ASRGL1: variants seen among roughly 807,000 people sequenced by gnomAD.
ASRGL1 encodes the protein isoaspartyl peptidase/L-asparaginase.
A neutral mutation model predicts 22.4 loss-of-function variants in ASRGL1; 16 were observed. That is an observed-to-expected ratio of 0.71 (90% CI 0.48 to 1.08). The LOEUF (loss-of-function observed/expected upper bound fraction) is 1.08, where lower values mean the gene tolerates loss of function less well. ASRGL1 is among the 50% of genes least tolerant of loss of function. ASRGL1 has a pLI of 0.00. For synonymous variants in ASRGL1, 165 were observed against 159.3 expected, an observed-to-expected ratio of 1.04 and a Z score of -0.27; for missense variants, 412 against 410.1, an observed-to-expected ratio of 1.00 and a Z score of -0.04.
intron 2 of ASRGL1, 103 bp downstream of exon 2, chr11:62,338,270 G>GTGAA (rs1262868327): frequency 8.7e-6 from 10 of 1,144,152 alleles, no homozygotes; most frequent in Non-Finnish European, 1.2e-5. Context: ...GAGCTTTGGG[G>GTGAA]TGAAACTAAG....
chr11:62,396,064 C>T (rs1340388916), downstream of ASRGL1, among the ~76,000 whole-genome samples: 1 of 151,964 alleles, frequency 6.6e-6, no homozygotes, highest in Non-Finnish European at 1.5e-5. Flanking sequence ...CCACCGCACC[C>T]GGCCTTTGTA....
chr11:62,351,785 C>A (rs1007985183), intron 2 of ASRGL1, among the ~76,000 whole-genome samples: 7 of 152,108 alleles, frequency 4.6e-5, no homozygotes, highest in Non-Finnish European at 1.0e-4. Flanking sequence ...GATCCTCCCA[C>A]CTCAGCCTCC....
At position 62,392,552 on chromosome 11, in the gene ASRGL1, G is replaced by C; in HGVS notation, c.*268G>C. ...CCACTGCACTCCAGCCTGGGCAACA[G>C]AGCCAGGCCCTGTATCAAAAAAAAA... On this transcript the variant is annotated 3_prime_UTR_variant, in exon 7 of 7. Transcript: ENST00000415229. 2 of 471,318 alleles carry C rather than the reference G, an allele frequency of 4.2e-6. No individual in the cohort carries two copies. The highest frequency in any genetic ancestry group is 3.7e-5 in the East Asian group (1 of 26,874). The allele number at this position is 471,318 out of a possible 1,614,324, so 29.2% of individuals were successfully genotyped here. A position where few individuals can be genotyped will look rare whatever the true frequency, so the allele number is the denominator to read the frequency against.
intron 2 of ASRGL1, among the ~76,000 whole-genome samples, chr11:62,352,405 G>T (rs1052662506): frequency 1.3e-5 from 2 of 152,140 alleles, no homozygotes; most frequent in African/African-American, 4.8e-5. Flanking sequence ...GACCAACATG[G>T]TGAAAACCTG....
intron 2 of ASRGL1, among the ~76,000 whole-genome samples, chr11:62,342,551 G>A (rs1042220851): frequency 7.9e-5 from 12 of 152,168 alleles, no homozygotes; most frequent in South Asian, 2.1e-4. Context: ...GAGACTAGGA[G>A]TTCAAGAGCA....
chr11:62,369,538 T>C (rs1241314719), intron 4 of ASRGL1, among the ~76,000 whole-genome samples: 1 of 152,108 alleles, frequency 6.6e-6, no homozygotes, highest in East Asian at 1.9e-4. Flanking sequence ...TGGGTACACC[T>C]GCAGACTAGC....
At position 62,384,035 on chromosome 11, in the gene ASRGL1, C is replaced by CGTGTGTGTGT. The variant is rs141968496; in HGVS notation, c.492-5089_492-5080dup. Among the ~76,000 whole-genome samples, 29 of 150,286 alleles carry CGTGTGTGTGT rather than the reference C, an allele frequency of 1.9e-4. No homozygotes were observed. The South Asian group carries it at 4.4e-3, about 23-fold the overall frequency. ...GCATGTGTGTGTGTGCACGTGTGTG[C>CGTGTGTGTGT]GTGTGTGTGTGTGTGTGTTTGCCAT... On this transcript the variant is annotated intron_variant, in intron 4 of 6. Transcript: ENST00000415229.
intron 4 of ASRGL1, 145 bp from the exon 5 acceptor site, chr11:62,388,988 G>A (rs1947276531): frequency 1.4e-6 from 1 of 710,846 alleles, no homozygotes; most frequent in Non-Finnish European, 2.4e-6. Context: ...ATGAGAAGCA[G>A]CAGGTTCTTT....
At chr11:62,358,091 G>A (rs906595589) in intron 4 of ASRGL1, among the ~76,000 whole-genome samples, 2 of 152,198 alleles carry the variant, frequency 1.3e-5, no homozygotes, top group South Asian at 2.1e-4. Flanking sequence ...GGCCTTGGCC[G>A]GGTGCGGTGG....
chr11:62,386,941 G>A (rs1947227436), intron 4 of ASRGL1, among the ~76,000 whole-genome samples: 1 of 151,294 alleles, frequency 6.6e-6, no homozygotes, highest in South Asian at 2.1e-4. Context: ...CACCCAGGCT[G>A]GAGTGCAATG....
chr11:62,372,796 T>C, intron 4 of ASRGL1: 1 of 1,583,350 alleles, frequency 6.3e-7, no homozygotes, highest in East Asian at 2.2e-5. Flanking sequence ...ACCTGCTCCT[T>C]TGCCGTCAGT....
chr11:62,340,828 T>C (rs942260059), intron 2 of ASRGL1, among the ~76,000 whole-genome samples: 2 of 152,156 alleles, frequency 1.3e-5, no homozygotes, highest in African/African-American at 4.8e-5. Flanking sequence ...CTAGAATAAA[T>C]AACTGTTTGG....
intron 5 of ASRGL1, 65 bp from the exon 6 acceptor site, chr11:62,391,457 G>A (rs1291507046): frequency 1.0e-5 from 16 of 1,537,144 alleles, no homozygotes; most frequent in Middle Eastern, 1.7e-4. Context: ...TGTAGCGTCC[G>A]ACTTCTAATA....
intron 4 of ASRGL1, among the ~76,000 whole-genome samples, chr11:62,384,974 G>T (rs957467757): frequency 1.4e-5 from 2 of 144,292 alleles, no homozygotes; most frequent in African/African-American, 5.1e-5. Context: ...GAAAAATACC[G>T]ATTTTTCAAG....
chr11:62,390,461 A>C (rs960650505), intron 5 of ASRGL1, among the ~76,000 whole-genome samples: 1 of 152,134 alleles, frequency 6.6e-6, no homozygotes, highest in Non-Finnish European at 1.5e-5. Flanking sequence ...GGCGGGGAGG[A>C]CAGCTTCACA....
chr11:62,347,554 C>A (rs1433992416), intron 2 of ASRGL1, among the ~76,000 whole-genome samples: 1 of 152,076 alleles, frequency 6.6e-6, no homozygotes, highest in African/African-American at 2.4e-5. Context: ...TGTCAGGAAA[C>A]AGGAAGACCA....
chr11:62,364,983 C>T (rs952054362), intron 4 of ASRGL1, among the ~76,000 whole-genome samples: 4 of 150,824 alleles, frequency 2.7e-5, no homozygotes, highest in Admixed American at 2.7e-4. Context: ...GCAGTGGAAT[C>T]GCTTGAACCT....
chr11:62,385,602 C>T lies in ASRGL1; in HGVS notation c.492-3531C>T, dbSNP rs556923579. On this transcript the variant is annotated intron_variant, in intron 4 of 6. Coordinates refer to ENST00000415229, the MANE Select transcript of ASRGL1 (RefSeq NM_001083926.2). ...TTTTAGGGCCAGGCGTGGTGCCTCA[C>T]GCCTGTAATCCCAGCAGCTTGGGTG... Among the ~76,000 whole-genome samples the T allele has an allele frequency of 4.7e-3, 719 of 152,346 alleles. 10 individuals are homozygous for T. Among genetic ancestry groups the T allele is most frequent in the African/African-American group, 0.016 (676 of 41,580 alleles).
chr11:62,355,004 G>A (rs550845957), intron 2 of ASRGL1, among the ~76,000 whole-genome samples: 22 of 151,746 alleles, frequency 1.4e-4, no homozygotes, highest in South Asian at 6.2e-4. Context: ...GGCAACCTCC[G>A]CCTCCCGGGT....
Sources: gnomAD v4.1 joint callset for allele counts (sites outside exome capture counted in the v4.1 genomes callset) on GRCh38, gnomAD v4.1.1 for gene constraint, MANE v1.5 for transcripts, NCBI Gene and HGNC (gene_info 2026-07-23, HGNC 2026-07-21) for gene names.